The following CRPPA variants were observed in gnomAD, a reference collection of about 807,000 sequenced individuals.
The protein encoded by CRPPA is CDP-L-ribitol pyrophosphorylase A, also known as D-ribitol-5-phosphate cytidylyltransferase.
CRPPA carries 43 observed loss-of-function variants against 52.0 expected under a neutral mutation model. That is an observed-to-expected ratio of 0.83 (90% CI 0.65 to 1.07). CRPPA has a LOEUF of 1.07. CRPPA is among the 50% of genes least tolerant of loss of function. CRPPA has a pLI of 0.00. For missense variants in CRPPA, 629 were observed against 551.7 expected (o/e 1.14, Z -1.40); for synonymous variants, 250 against 203.5 (o/e 1.23, Z -1.94).
chr7:16,142,658 G>C (rs1360539721), intron 9 of CRPPA, among the ~76,000 whole-genome samples: 1 of 152,092 alleles, frequency 6.6e-6, no homozygotes, highest in East Asian at 1.9e-4. Context: ...CACTTTCATA[G>C]CCTATTGAAA....
intron 5 of CRPPA, among the ~76,000 whole-genome samples, chr7:16,284,740 G>A (rs966410126): frequency 2.6e-5 from 4 of 152,044 alleles, no homozygotes; most frequent in African/African-American, 9.7e-5. Flanking sequence ...TTATCTACTA[G>A]GATCTAGGCT....
In CRPPA at chr7:16,385,267, C is replaced by T. The variant is rs1255614977; in HGVS notation, c.535-9026G>A. ...AAAATTCAAGGAAATGACTGGTAAC[C>T]TCACAAAATAAAGGAAAAATTAGTC... On this transcript the variant is annotated intron_variant, in intron 2 of 9. Transcript: ENST00000407010. Among the ~76,000 whole-genome samples, 4 of 151,772 alleles carry T rather than the reference C, an allele frequency of 2.6e-5. No homozygotes were observed. In the East Asian group the frequency reaches 5.8e-4, roughly 22 times the overall value.
chr7:16,308,976 A>C (rs2128424797), intron 3 of CRPPA, among the ~76,000 whole-genome samples: 1 of 152,340 alleles, frequency 6.6e-6, no homozygotes, highest in African/African-American at 2.4e-5. Context: ...GGTATGGCTG[A>C]GGATTATCAT....
intron 8 of CRPPA, among the ~76,000 whole-genome samples, chr7:16,242,208 C>T (rs1265029336): frequency 6.6e-6 from 1 of 151,870 alleles, no homozygotes; most frequent in Non-Finnish European, 1.5e-5. Flanking sequence ...CCCACCTCTG[C>T]CTCCCAAAGT....
In CRPPA at chr7:16,398,767, T is replaced by C. The variant is rs996395617; in HGVS notation, c.534+7294A>G. On this transcript the variant is annotated intron_variant, in intron 2 of 9. Transcript: ENST00000407010. ...TGCCTGACATGTGACAAACACGTGA[T>C]ACGTGACTGACACTTGACTGACACG... Among the ~76,000 whole-genome samples the C allele has an allele frequency of 9.2e-5, 14 of 152,196 alleles. No homozygotes were observed. The East Asian group carries it at 2.3e-3, about 25-fold the overall frequency.
intron 3 of CRPPA, among the ~76,000 whole-genome samples, chr7:16,336,374 C>T (rs77709724): frequency 0.021 from 3,240 of 151,956 alleles, 46 homozygotes; most frequent in East Asian, 0.052. Flanking sequence ...GGAGAGTGAA[C>T]GCACAGATTT....
At position 16,090,112 on chromosome 7, in the gene CRPPA, T is replaced by A. The variant is rs1781804324; in HGVS notation, c.*1583A>T. Reference sequence around the variant, plus strand: ...TCCACACATTGCTTACCTATTTCCATCCTCAAAAACTTAAATTAATGGATT... The same window carrying A: ...TCCACACATTGCTTACCTATTTCCAACCTCAAAAACTTAAATTAATGGATT... On this transcript the variant is annotated 3_prime_UTR_variant, in exon 10 of 10. Transcript: ENST00000407010. 6.6e-6 allele frequency: 1 copy of A among 152,090 alleles called. No individual in the cohort carries two copies. Among genetic ancestry groups the A allele is most frequent in the African/African-American group, 2.4e-5 (1 of 41,406 alleles). The allele number at this position is 152,090 out of a possible 1,614,324, so 9.4% of individuals were successfully genotyped here. A position where few individuals can be genotyped will look rare whatever the true frequency, so the allele number is the denominator to read the frequency against.
chr7:16,418,142 T>G (rs1362035581), intron 1 of CRPPA, among the ~76,000 whole-genome samples: 9 of 152,334 alleles, frequency 5.9e-5, no homozygotes, highest in African/African-American at 2.2e-4. Context: ...AAGTAAGGGC[T>G]TTCACTTGGC....
intron 2 of CRPPA, among the ~76,000 whole-genome samples, chr7:16,380,346 GATC>G (rs1052285003): frequency 1.1e-4 from 16 of 152,108 alleles, no homozygotes; most frequent in Admixed American, 4.6e-4. Context: ...AAGCCCACTT[GATC>G]ATGGTGGATA....
chr7:16,386,684 T>C (rs1787278326), intron 2 of CRPPA, among the ~76,000 whole-genome samples: 1 of 152,080 alleles, frequency 6.6e-6, no homozygotes, highest in South Asian at 2.1e-4. Context: ...AACAAATTAA[T>C]TAAAAATGAC....
At chr7:16,099,574 G>A (rs1274664566) in intron 9 of CRPPA, among the ~76,000 whole-genome samples, 1 of 152,052 alleles carries the variant, frequency 6.6e-6, no homozygotes, top group African/African-American at 2.4e-5. Context: ...ACCCTGTAAG[G>A]CAGCACCGAT....
At chr7:16,144,822 G>A (rs565582867) in intron 9 of CRPPA, among the ~76,000 whole-genome samples, 1 of 152,304 alleles carries the variant, frequency 6.6e-6, no homozygotes, top group South Asian at 2.1e-4. Flanking sequence ...ACAGTGCAGA[G>A]CTAAGCAGTG....
At chr7:16,258,726 T>C (rs550372996) in intron 7 of CRPPA, among the ~76,000 whole-genome samples, 194 bp downstream of exon 7, 46 of 152,158 alleles carry the variant, frequency 3.0e-4, no homozygotes, top group South Asian at 1.2e-3. Flanking sequence ...ATTGAAAATA[T>C]TGTCCAAAAT....
intron 9 of CRPPA, among the ~76,000 whole-genome samples, chr7:16,162,314 A>G (rs1232225616): frequency 6.6e-6 from 1 of 152,186 alleles, no homozygotes; most frequent in African/African-American, 2.4e-5. Flanking sequence ...GTGGGCATTC[A>G]GTGCTATAAA....
chr7:16,192,367 G>C (rs894352810), intron 9 of CRPPA, among the ~76,000 whole-genome samples: 2 of 152,086 alleles, frequency 1.3e-5, no homozygotes, highest in African/African-American at 4.8e-5. Context: ...CGACATGGCT[G>C]CTTAGAGATG....
At chr7:16,419,963 T>C (rs1447713722) in intron 1 of CRPPA, among the ~76,000 whole-genome samples, 1 of 152,188 alleles carries the variant, frequency 6.6e-6, no homozygotes. Flanking sequence ...TCTTTCTCCA[T>C]TGCAATTCCC....
At chr7:16,211,044 T>G (rs1435979515) in intron 9 of CRPPA, among the ~76,000 whole-genome samples, 2 of 152,192 alleles carry the variant, frequency 1.3e-5, no homozygotes, top group African/African-American at 4.8e-5. Context: ...ACCCCAATTT[T>G]ATTTTTACAC....
Position 16,090,549 on chromosome 7 carries a change from CAAAAAAAAAAAAA to C in CRPPA, c.*1133_*1145del, listed in dbSNP as rs56034283. Reference sequence around the variant, plus strand: ...CGAAAACCCTTCTCTACTAAAAATACAAAAAAAAAAAAAAAAAAAAAAAATTAGCCAGGTGTGG... The same window carrying C: ...CGAAAACCCTTCTCTACTAAAAATACAAAAAAAAAAATTAGCCAGGTGTGG... On this transcript the variant is annotated 3_prime_UTR_variant, in exon 10 of 10. Transcript: ENST00000407010. The C allele has an allele frequency of 8.0e-4, 66 of 82,202 alleles. 1 individual carries two copies. The highest frequency in any genetic ancestry group is 2.8e-3 in the African/African-American group (52 of 18,436). The allele number at this position is 82,202 out of a possible 1,614,324, so 5.1% of individuals were successfully genotyped here.
intron 6 of CRPPA, among the ~76,000 whole-genome samples, chr7:16,274,230 T>C (rs1035188713): frequency 2.0e-4 from 31 of 152,146 alleles, no homozygotes; most frequent in African/African-American, 7.5e-4. Context: ...TTTGTATTTT[T>C]AGTAGAGACA....
Sources: allele counts gnomAD v4.1 joint callset (sites outside exome capture counted in the v4.1 genomes callset), GRCh38; gene constraint gnomAD v4.1.1; transcripts MANE v1.5; gene names NCBI Gene and HGNC (gene_info 2026-07-23, HGNC 2026-07-21).